CCR3: variants seen among roughly 807,000 people sequenced by gnomAD.
CCR3 encodes the protein C-C motif chemokine receptor 3.
For missense variants in CCR3, 419 were observed against 437.5 expected, an observed-to-expected ratio of 0.96 and a Z score of 0.38; for synonymous variants, 203 against 179.2, an observed-to-expected ratio of 1.13 and a Z score of -1.06.
upstream of CCR3, among the ~76,000 whole-genome samples, chr3:46,241,537 T>C (rs1700085536): frequency 6.6e-6 from 1 of 152,214 alleles, no homozygotes; most frequent in South Asian, 2.1e-4. Flanking sequence ...TACATTTCCT[T>C]AGCCCTGTAT....
At chr3:46,242,170 A>G (rs41405447), upstream of CCR3, among the ~76,000 whole-genome samples, 218 of 152,046 alleles carry the variant, frequency 1.4e-3, no homozygotes, top group African/African-American at 4.8e-3. Context: ...CCCCACCACT[A>G]AAAATGAGCA....
chr3:46,226,100 A>T (rs1423878510), intron 2 of CCR3, among the ~76,000 whole-genome samples: 1 of 152,214 alleles, frequency 6.6e-6, no homozygotes, highest in Non-Finnish European at 1.5e-5. Flanking sequence ...ACGTCATGAA[A>T]TCAGGTAAGT....
intron 1 of CCR3, among the ~76,000 whole-genome samples, chr3:46,242,963 G>GTATATATATATATATATACATATA (rs71095086): frequency 1.2e-5 from 1 of 86,298 alleles, no homozygotes; most frequent in Non-Finnish European, 2.2e-5. Context: ...ATATATATGT[G>GTATATATATATATATATACATATA]TATATATATA....
intron 2 of CCR3, among the ~76,000 whole-genome samples, chr3:46,219,408 C>T (rs1273464728): frequency 1.3e-5 from 2 of 151,996 alleles, no homozygotes; most frequent in African/African-American, 2.4e-5. Flanking sequence ...GACCATACTG[C>T]CTAAAGCAAT....
chr3:46,212,416 A>AAG (rs1699725140), intron 2 of CCR3, among the ~76,000 whole-genome samples: 1 of 152,140 alleles, frequency 6.6e-6, no homozygotes, highest in Admixed American at 6.5e-5. Flanking sequence ...TGGGAGATGT[A>AAG]AGAGGGTCTT....
chr3:46,211,209 T>A (rs1346851974), intron 2 of CCR3, among the ~76,000 whole-genome samples: 2 of 150,248 alleles, frequency 1.3e-5, no homozygotes, highest in African/African-American at 4.9e-5. Context: ...TTTTTTTTTT[T>A]TTTTTTTTAG....
At chr3:46,246,995 A>G (rs1026790790) in intron 1 of CCR3, among the ~76,000 whole-genome samples, 1 of 152,184 alleles carries the variant, frequency 6.6e-6, no homozygotes, top group South Asian at 2.1e-4. Context: ...TTTTGTATGA[A>G]TTGAAAAACT....
intron 1 of CCR3, among the ~76,000 whole-genome samples, chr3:46,251,194 C>T (rs931310053): frequency 1.8e-4 from 28 of 152,232 alleles, no homozygotes; most frequent in African/African-American, 6.7e-4. Context: ...CCTGCGTGGT[C>T]TGACACCCTT....
intron 1 of CCR3, among the ~76,000 whole-genome samples, chr3:46,243,379 G>A (rs1032492143): frequency 3.3e-5 from 5 of 152,088 alleles, no homozygotes; most frequent in African/African-American, 1.2e-4. Context: ...ATATACATAT[G>A]TGTGTGTGCA....
intron 2 of CCR3, among the ~76,000 whole-genome samples, chr3:46,226,384 G>A (rs7628489): frequency 0.16 from 24,466 of 152,070 alleles, 3,016 homozygotes; most frequent in African/African-American, 0.34. Context: ...TTTTCAGCAT[G>A]CAAGTCATGT....
At chr3:46,226,318 A>G (rs940740289) in intron 2 of CCR3, among the ~76,000 whole-genome samples, 4 of 152,124 alleles carry the variant, frequency 2.6e-5, no homozygotes, top group African/African-American at 7.2e-5. Context: ...TGAACATGGT[A>G]TATCTCTCTA....
At chr3:46,225,695 G>T (rs1161698293) in intron 2 of CCR3, among the ~76,000 whole-genome samples, 1 of 152,060 alleles carries the variant, frequency 6.6e-6, no homozygotes, top group African/African-American at 2.4e-5. Flanking sequence ...GTGCTTAGTG[G>T]TTATCTGTAT....
chr3:46,242,963 G>GTCTATATATATACACATA (rs1553644056), intron 1 of CCR3, among the ~76,000 whole-genome samples: 1 of 86,298 alleles, frequency 1.2e-5, no homozygotes, highest in Non-Finnish European at 2.2e-5. Flanking sequence ...ATATATATGT[G>GTCTATATATATACACATA]TATATATATA....
At chr3:46,213,262 C>T (rs1170640752) in intron 2 of CCR3, among the ~76,000 whole-genome samples, 1 of 152,226 alleles carries the variant, frequency 6.6e-6, no homozygotes, top group African/African-American at 2.4e-5. Context: ...TTGGGGCCAG[C>T]TGTCAACTGT....
At chr3:46,246,846 A>G (rs866699479) in intron 1 of CCR3, among the ~76,000 whole-genome samples, 2 of 152,110 alleles carry the variant, frequency 1.3e-5, no homozygotes, top group South Asian at 2.1e-4. Context: ...GGGCTGCTTC[A>G]AGCGGGATTA....
chr3:46,219,607 AACAGCGTGGT>A, intron 2 of CCR3, among the ~76,000 whole-genome samples: 1 of 152,336 alleles, frequency 6.6e-6, no homozygotes, highest in African/African-American at 2.4e-5. Flanking sequence ...TAGTTACCAA[AACAGCGTGGT>A]ACTGGTATAA....
intron 1 of CCR3, among the ~76,000 whole-genome samples, chr3:46,247,536 A>T (rs1455020182): frequency 2.6e-5 from 4 of 152,160 alleles, no homozygotes; most frequent in African/African-American, 7.2e-5. Context: ...TCTTGAAGAC[A>T]GAGGACTATA....
In CCR3 at chr3:46,265,237, G is replaced by C; in HGVS notation, c.79G>C (p.Ala27Pro). 1 of 1,614,046 alleles carries C rather than the reference G, an allele frequency of 6.2e-7. No individual in the cohort carries two copies. Among genetic ancestry groups the C allele is most frequent in the Non-Finnish European group, 8.5e-7 (1 of 1,179,978 alleles). ...YDDVGLLCEK[A>P]DTRALMAQFV... ...TGACGTGGGCCTGCTCTGTGAAAAA[G>C]CTGATACCAGAGCACTGATGGCCCA... Residue 27 changes from alanine (A) to proline (P), a missense_variant, in exon 2 of 2, where the codon GCT becomes CCT. Physicochemically the swap from Ala to Pro is conservative, Grantham distance 27. Coordinates refer to ENST00000395940, the MANE Select transcript of CCR3 (RefSeq NM_178329.3).
intron 2 of CCR3, among the ~76,000 whole-genome samples, chr3:46,227,620 T>C (rs1357216113): frequency 2.0e-5 from 3 of 152,218 alleles, no homozygotes; most frequent in African/African-American, 7.2e-5. Flanking sequence ...ACTTGGATTA[T>C]TGATGCGAGA....
Sources: allele counts gnomAD v4.1 joint callset (sites outside exome capture counted in the v4.1 genomes callset), GRCh38; gene constraint gnomAD v4.1.1; transcripts MANE v1.5; gene names NCBI Gene and HGNC (gene_info 2026-07-23, HGNC 2026-07-21).